RAPGEF1: variants seen among roughly 807,000 people sequenced by gnomAD.
RAPGEF1 encodes the protein CRK SH3-binding GNRP.
Under a neutral mutation model 143.3 loss-of-function variants are expected in RAPGEF1, and 33 were observed. That is an observed-to-expected ratio of 0.23 (90% CI 0.17 to 0.31). RAPGEF1 has a LOEUF of 0.31. RAPGEF1 is among the 10% of genes least tolerant of loss of function. The probability of loss-of-function intolerance (pLI) is 1.00; values close to 1 mark genes in which losing one functional copy is unlikely to be tolerated. For missense variants in RAPGEF1, 1,199 were observed against 1,645.4 expected, an observed-to-expected ratio of 0.73 and a Z score of 4.69; for synonymous variants, 629 against 676.5, an observed-to-expected ratio of 0.93 and a Z score of 1.09.
intron 1 of RAPGEF1, among the ~76,000 whole-genome samples, chr9:131,715,394 T>C (rs1564196075): frequency 6.6e-6 from 1 of 152,042 alleles, no homozygotes; most frequent in African/African-American, 2.4e-5. Context: ...AAGACCTGTG[T>C]AGCTGGAGGT....
intron 14 of RAPGEF1, among the ~76,000 whole-genome samples, chr9:131,603,679 G>A (rs767430034): frequency 3.3e-5 from 5 of 152,100 alleles, no homozygotes; most frequent in Admixed American, 6.5e-5. Context: ...GCCGGGGCCC[G>A]TGCCACGCTG....
intron 1 of RAPGEF1, among the ~76,000 whole-genome samples, chr9:131,656,147 C>T (rs1425183561): frequency 2.0e-5 from 3 of 152,166 alleles, no homozygotes; most frequent in South Asian, 2.1e-4. Flanking sequence ...CGATAGATAC[C>T]GAATTCTTAT....
rs1395125279 is a variant in RAPGEF1 at position 131,584,512 on chromosome 9, C to A, written c.3312+6G>T. ...GGGGGCCTGGGAAGGACTTGGCCAC[C>A]ATTACCTTCATGATCTTGATGAACT... On this transcript the variant is annotated splice_donor_region_variant and intron_variant, in intron 23 of 26. Transcript: ENST00000683357. The surrounding 1 kb of genome is among the most constrained non-coding windows in gnomAD (Gnocchi z 6.8). 6.2e-7 allele frequency: 1 copy of A among 1,614,008 alleles called. No individual in the cohort carries two copies. Among genetic ancestry groups the A allele is most frequent in the South Asian group, 1.1e-5 (1 of 91,088 alleles).
At chr9:131,682,927 T>C (rs1488834707) in intron 1 of RAPGEF1, among the ~76,000 whole-genome samples, 4 of 152,198 alleles carry the variant, frequency 2.6e-5, no homozygotes, top group Admixed American at 2.0e-4. Flanking sequence ...CGCTGAAATA[T>C]ATCAAAGTAG....
intron 1 of RAPGEF1, among the ~76,000 whole-genome samples, chr9:131,692,263 G>A (rs1833834584): frequency 6.6e-6 from 1 of 152,184 alleles, no homozygotes. Context: ...ATCTTTAGTA[G>A]AAATGAGGGT....
chr9:131,702,309 G>A (rs1036280135), intron 1 of RAPGEF1, among the ~76,000 whole-genome samples: 6 of 152,222 alleles, frequency 3.9e-5, no homozygotes, highest in African/African-American at 1.2e-4. Context: ...ACAAAAAGTT[G>A]TGATGGTAAT....
At chr9:131,739,548 C>T (rs1465885554) in intron 1 of RAPGEF1, among the ~76,000 whole-genome samples, 1 of 150,806 alleles carries the variant, frequency 6.6e-6, no homozygotes, top group Non-Finnish European at 1.5e-5. Context: ...CCCCGCCCGG[C>T]CCGGCCCCTG....
chr9:131,607,065 C>T lies in RAPGEF1; in HGVS notation c.2062-1877G>A, dbSNP rs539683338. On this transcript the variant is annotated intron_variant, in intron 12 of 26. Coordinates refer to ENST00000683357, the MANE Select transcript of RAPGEF1 (RefSeq NM_001377935.1). ...GCACTGACCAGAGTTTCAAGCTCCT[C>T]CCTCATCTCACTCCTGTGATCTCAC... Among the ~76,000 whole-genome samples, 3 of 152,184 alleles carry T rather than the reference C, an allele frequency of 2.0e-5. No individual in the cohort carries two copies. In the East Asian group the frequency reaches 5.8e-4, roughly 29 times the overall value.
At chr9:131,711,384 G>A (rs1311938376) in intron 1 of RAPGEF1, among the ~76,000 whole-genome samples, 1 of 138,866 alleles carries the variant, frequency 7.2e-6, no homozygotes, top group African/African-American at 2.6e-5. Flanking sequence ...TTGAGACAGA[G>A]TCTCACTCTG....
Position 131,661,499 on chromosome 9 carries a change from T to C in RAPGEF1, c.62-10550A>G, listed in dbSNP as rs1005840074. 2.6e-5 allele frequency among the ~76,000 whole-genome samples: 4 copies of C among 152,132 alleles called. No individual in the cohort carries two copies. The East Asian group carries it at 7.7e-4, about 29-fold the overall frequency. Reference sequence around the variant, plus strand: ...GTGACGGTTATGGCCTGTTTCTTGATCTGGGGGTTGGTTGTACCAGTGTGT... The same window carrying C: ...GTGACGGTTATGGCCTGTTTCTTGACCTGGGGGTTGGTTGTACCAGTGTGT... On this transcript the variant is annotated intron_variant, in intron 1 of 26. Coordinates refer to ENST00000683357, the MANE Select transcript of RAPGEF1 (RefSeq NM_001377935.1).
At chr9:131,732,589 C>A (rs759976822) in intron 1 of RAPGEF1, among the ~76,000 whole-genome samples, 1 of 152,192 alleles carries the variant, frequency 6.6e-6, no homozygotes, top group African/African-American at 2.4e-5. Context: ...CTAACCTCAT[C>A]ATTAGTGTTC....
chr9:131,582,628 C>T lies in RAPGEF1; in HGVS notation c.3489G>A (p.Val1163=). Residue 1163 remains valine, a synonymous_variant, in exon 25 of 27, where the codon GTG becomes GTA. Coordinates refer to ENST00000683357, the MANE Select transcript of RAPGEF1 (RefSeq NM_001377935.1). ...FRAYRAALSE[V]EPPCIPYLGL... is the part of the protein sequence containing the mutation. ...ACAGGTACGGGATGCACGGCGGTTC[C>T]ACCTCCGAGAGGGCGGCCCGGTAGG... 1 of 1,532,470 alleles carries T rather than the reference C, an allele frequency of 6.5e-7. No homozygotes were observed. Among genetic ancestry groups the T allele is most frequent in the Non-Finnish European group, 8.7e-7 (1 of 1,150,048 alleles). 94.9% of individuals were successfully genotyped at this position (1,532,470 alleles called of 1,614,324 possible).
rs1029926933 is a variant in RAPGEF1 at position 131,679,164 on chromosome 9, C to A, written c.62-28215G>T. Among the ~76,000 whole-genome samples, 6 of 144,726 alleles carry A rather than the reference C, an allele frequency of 4.1e-5. No individual in the cohort carries two copies. In the East Asian group the frequency reaches 1.2e-3, roughly 28 times the overall value. The allele number at this position is 144,726 out of a possible 152,430, so 94.9% of individuals were successfully genotyped here. A position where few individuals can be genotyped will look rare whatever the true frequency, so the allele number is the denominator to read the frequency against. On this transcript the variant is annotated intron_variant, in intron 1 of 26. Coordinates refer to ENST00000683357, the MANE Select transcript of RAPGEF1 (RefSeq NM_001377935.1). ...TCCCAACTGCGAACTCATTATGTGA[C>A]AAGGGGGGGGCCACAAGCAGCTGTA... is the stretch of plus-strand genomic sequence containing the variant.
intron 4 of RAPGEF1, among the ~76,000 whole-genome samples, chr9:131,642,715 C>A (rs532463058): frequency 2.0e-5 from 3 of 152,264 alleles, no homozygotes; most frequent in African/African-American, 4.8e-5. Flanking sequence ...TGCTGTGTAA[C>A]CCCCAAGGTC....
At chr9:131,719,432 T>A (rs2131268456) in intron 1 of RAPGEF1, among the ~76,000 whole-genome samples, 1 of 152,276 alleles carries the variant, frequency 6.6e-6, no homozygotes, top group South Asian at 2.1e-4. Flanking sequence ...CAGTCTGTGA[T>A]GTCTTTTTGG....
At position 131,624,404 on chromosome 9, in the gene RAPGEF1, G is replaced by A. The variant is rs957033531; in HGVS notation, c.1702+1518C>T. ...AATTGGTTAAAGCCTCAAAATGGTGGCCTAAATTAATAGGGATTTTCAGCC... is the reference window on the plus strand; with the variant it reads ...AATTGGTTAAAGCCTCAAAATGGTGACCTAAATTAATAGGGATTTTCAGCC... On this transcript the variant is annotated intron_variant, in intron 10 of 26. Coordinates refer to ENST00000683357, the MANE Select transcript of RAPGEF1 (RefSeq NM_001377935.1). Among the ~76,000 whole-genome samples, 3 of 152,192 alleles carry A rather than the reference G, an allele frequency of 2.0e-5. No homozygotes were observed. In the South Asian group the frequency reaches 6.2e-4, roughly 31 times the overall value.
intron 12 of RAPGEF1, among the ~76,000 whole-genome samples, chr9:131,616,507 G>A (rs772156459): frequency 6.6e-6 from 1 of 152,176 alleles, no homozygotes; most frequent in Non-Finnish European, 1.5e-5. Context: ...GGGAAGGAGT[G>A]AATGAGAATA....
At chr9:131,633,046 C>G (rs190857572) in intron 5 of RAPGEF1, among the ~76,000 whole-genome samples, 1 of 152,340 alleles carries the variant, frequency 6.6e-6, no homozygotes, top group African/African-American at 2.4e-5. Flanking sequence ...TTACCCTACT[C>G]TGTGACAGTT....
chr9:131,601,517 A>G (rs1564493909), intron 15 of RAPGEF1, among the ~76,000 whole-genome samples: 1 of 152,218 alleles, frequency 6.6e-6, no homozygotes, highest in African/African-American at 2.4e-5. Flanking sequence ...AGGCCTTTGC[A>G]GGGTGGGGTT....
Sources: gnomAD v4.1 joint callset for allele counts (sites outside exome capture counted in the v4.1 genomes callset) on GRCh38, gnomAD v4.1.1 for gene constraint, Gnocchi (gnomAD v3.1) non-coding constraint, MANE v1.5 for transcripts, NCBI Gene and HGNC (gene_info 2026-07-23, HGNC 2026-07-21) for gene names.